Variants in KCNH2 observed in about 807,000 individuals in gnomAD.
KCNH2 encodes the protein potassium voltage-gated channel subfamily H member 2.
In KCNH2, 35 loss-of-function variants were observed where a neutral mutation model predicts 95.9. The observed-to-expected ratio is 0.37, with a 90% confidence interval of 0.28 to 0.48. The LOEUF is 0.48. Ranked by LOEUF, KCNH2 falls within the 20% of genes least tolerant of loss-of-function variation. The pLI is 0.99. For missense variants in KCNH2, 1,274 were observed against 1,702.9 expected (o/e 0.75, Z 4.43); for synonymous variants, 786 against 754.7 (o/e 1.04, Z -0.68).
rs531677961 is a variant in KCNH2, at chr7:150,958,337, T to C, written c.638A>G (p.Asp213Gly). ...AAPSSESLALDEVTAMDNHVA... is the reference protein window; with the variant it reads ...AAPSSESLALGEVTAMDNHVA... ...GTGGTTGTCCATGGCTGTCACTTCG[T>C]CCAGGGCCAGCGACTCGCTGCTGGG... Residue 213 changes from aspartate to glycine, a missense_variant, in exon 4 of 15, where the codon GAC becomes GGC. By Grantham distance (94) the Asp-to-Gly change is moderately conservative (BLOSUM62 -1). Transcript: ENST00000262186. The C allele has an allele frequency of 3.4e-5, 51 of 1,490,860 alleles. 1 individual carries two copies. In the South Asian group the frequency reaches 6.2e-4, roughly 18 times the overall value. 92.4% of individuals were successfully genotyped at this position (1,490,860 alleles called of 1,614,324 possible). A position where few individuals can be genotyped will look rare whatever the true frequency, so the allele number is the denominator to read the frequency against.
chr7:150,974,955 G>T lies in KCNH2; in HGVS notation c.77-14C>A. On this transcript the variant is annotated splice_polypyrimidine_tract_variant and intron_variant, in intron 1 of 14. Coordinates refer to ENST00000262186, the MANE Select transcript of KCNH2 (RefSeq NM_000238.4). Reference sequence around the variant, plus strand: ...TGAACTTACGGCCTAGGGGGGCGGGGAGGAGAGTGCGCGTGAGCGGGGACC... The same window carrying T: ...TGAACTTACGGCCTAGGGGGGCGGGTAGGAGAGTGCGCGTGAGCGGGGACC... The T allele has an allele frequency of 6.3e-7, 1 of 1,577,054 alleles. No homozygotes were observed.
chr7:150,948,421 CTTCCTCCCCT>C lies in KCNH2; in HGVS notation c.2692+13_2692+22del. On this transcript the variant is annotated intron_variant, in intron 11 of 14. Coordinates refer to ENST00000262186, the MANE Select transcript of KCNH2 (RefSeq NM_000238.4). Reference sequence around the variant, plus strand: ...GCCTCACCTTGTCCCCGCCCTCCCCCTTCCTCCCCTCCCCCGCCTCACCCTTGTCCGTGCG... The same window carrying C: ...GCCTCACCTTGTCCCCGCCCTCCCCCCCCCCGCCTCACCCTTGTCCGTGCG... 7.3e-7 allele frequency: 1 copy of C among 1,360,832 alleles called. No individual in the cohort carries two copies. The highest frequency in any genetic ancestry group is 1.0e-6 in the Non-Finnish European group (1 of 969,728). 84.3% of individuals were successfully genotyped at this position (1,360,832 alleles called of 1,614,324 possible).
intron 5 of KCNH2, among the ~76,000 whole-genome samples, 163 bp downstream of exon 5, chr7:150,957,128 C>T (rs1801400408): frequency 6.6e-6 from 1 of 152,164 alleles, no homozygotes. Context: ...CTCCCCCCAT[C>T]GCAGCTCTGG....
chr7:150,952,134 C>T lies in KCNH2; in HGVS notation c.1557+291G>A, dbSNP rs534370235. 3.2e-4 allele frequency among the ~76,000 whole-genome samples: 49 copies of T among 151,942 alleles called. No individual in the cohort carries two copies. Among genetic ancestry groups the T allele is most frequent in the African/African-American group, 8.7e-4 (36 of 41,426 alleles). The stretch of plus-strand genomic sequence containing the variant: ...ACCAGCTTCTAGGGCACTTTGGTGA[C>T]GCTACAAAATAATGGCCCCTTGGGA... On this transcript the variant is annotated intron_variant, in intron 6 of 14. Transcript: ENST00000262186. This position sits in a 1 kb window ranked among gnomAD's most constrained non-coding sequence, Gnocchi z 7.3.
At position 150,946,918 on chromosome 7, in the gene KCNH2, C is replaced by T. The variant is rs199473030; in HGVS notation, c.3289G>A (p.Val1097Ile). ...AAGGTGAGGGTGGGGAGGGGGCTGA[C>T]GGGCAACAGCGGGGATGTGGAAGTG... is the stretch of plus-strand genomic sequence containing the variant. ...GPTSTSPLLP[V>I]SPLPTLTLDS... The change falls in exon 14 of 15, where the codon GTC becomes ATC. Residue 1097 changes from valine (V) to isoleucine (I), a missense_variant. Around this residue, in one of 7 missense-constraint regions of KCNH2, gnomAD observed 457 missense variants for 416.1 expected, o/e 1.10. Transcript: ENST00000262186. The surrounding 1 kb of genome is among the most constrained non-coding windows in gnomAD (Gnocchi z 6.5). The T allele has an allele frequency of 5.7e-5, 90 of 1,591,324 alleles. No homozygotes were observed. Among genetic ancestry groups the T allele is most frequent in the East Asian group, 1.6e-4 (7 of 44,106 alleles).
At chr7:150,976,006 G>A (rs563550010) in intron 1 of KCNH2, among the ~76,000 whole-genome samples, 62 of 152,378 alleles carry the variant, frequency 4.1e-4, no homozygotes, top group Non-Finnish European at 7.1e-4. Context: ...GGCCTGCCCG[G>A]AGAGCCAGGC....
chr7:150,958,552 A>T, intron 3 of KCNH2, 50 bp from the exon 4 acceptor site: 1 of 1,446,428 alleles, frequency 6.9e-7, no homozygotes. Flanking sequence ...GCAGCCCCGG[A>T]GCGGGCAAGG....
intron 3 of KCNH2, among the ~76,000 whole-genome samples, chr7:150,959,130 G>A (rs1801482223): frequency 6.6e-6 from 1 of 152,210 alleles, no homozygotes; most frequent in Non-Finnish European, 1.5e-5. Context: ...CAGGAAACTT[G>A]GCCAGTCCAT....
At position 150,945,353 on chromosome 7, in the gene KCNH2, T is replaced by C; in HGVS notation, c.*12A>G. 5 of 1,582,332 alleles carry C rather than the reference T, an allele frequency of 3.2e-6. No individual in the cohort carries two copies. The highest frequency in any genetic ancestry group is 4.6e-5 in the East Asian group (2 of 43,062). ...CCCTGGGTGAGCCACGTGTCCACACTGGGCAGCCCCACTAACTGCCCGGGT... is the reference window on the plus strand; with the variant it reads ...CCCTGGGTGAGCCACGTGTCCACACCGGGCAGCCCCACTAACTGCCCGGGT... On this transcript the variant is annotated 3_prime_UTR_variant, in exon 15 of 15. Transcript: ENST00000262186. The surrounding 1 kb of genome is among the most constrained non-coding windows in gnomAD (Gnocchi z 5.6).
chr7:150,966,402 C>A (rs1278079257), intron 2 of KCNH2, among the ~76,000 whole-genome samples: 1 of 128,386 alleles, frequency 7.8e-6, no homozygotes, highest in Admixed American at 8.7e-5. Context: ...CACACACACA[C>A]ACACACAGGA....
chr7:150,953,126 C>T (rs1475434717), intron 5 of KCNH2, among the ~76,000 whole-genome samples: 1 of 152,152 alleles, frequency 6.6e-6, no homozygotes. Context: ...GCAGGAACAC[C>T]CAGTGCTGCT....
At position 150,952,811 on chromosome 7, in the gene KCNH2, G is replaced by A; in HGVS notation, c.1171C>T (p.Gln391Ter). ...GADVLPEYKL[Q>*]APRIHRWTIL... Reference sequence around the variant, plus strand: ...GTCCAGCGGTGGATGCGCGGTGCCTGCAGCTTGTACTCAGGCAGCACGTCG... The same window carrying A: ...GTCCAGCGGTGGATGCGCGGTGCCTACAGCTTGTACTCAGGCAGCACGTCG... Residue 391 changes from glutamine to a stop codon, truncating the protein, a stop_gained, in exon 6 of 15, where the codon CAG becomes TAG. Coordinates refer to ENST00000262186, the MANE Select transcript of KCNH2 (RefSeq NM_000238.4). LOFTEE classifies it high-confidence loss of function. The surrounding 1 kb of genome is among the most constrained non-coding windows in gnomAD (Gnocchi z 7.3). 2 of 1,614,040 alleles carry A rather than the reference G, an allele frequency of 1.2e-6. No individual in the cohort carries two copies. Among genetic ancestry groups the A allele is most frequent in the Non-Finnish European group, 1.7e-6 (2 of 1,180,014 alleles).
Position 150,952,524 on chromosome 7 carries a change from G to C in KCNH2, c.1458C>G (p.Pro486=). 1 of 1,614,132 alleles carries C rather than the reference G, an allele frequency of 6.2e-7. No homozygotes were observed. The highest frequency in any genetic ancestry group is 8.5e-7 in the Non-Finnish European group (1 of 1,180,012). The change falls in exon 6 of 15, where the codon CCC becomes CCG. Residue 486 remains proline, a synonymous_variant. Transcript: ENST00000262186. This position sits in a 1 kb window ranked among gnomAD's most constrained non-coding sequence, Gnocchi z 7.3. ...TGAAGTAGTGGACGGCGATGCGGCC[G>C]GGGTGGCTGACCACCTCCTCGTTGG... ...VNANEEVVSH[P]GRIAVHYFKG... is the part of the protein sequence containing the mutation.
At chr7:150,954,813 G>A (rs1801311371) in intron 5 of KCNH2, among the ~76,000 whole-genome samples, 1 of 152,222 alleles carries the variant, frequency 6.6e-6, no homozygotes. Flanking sequence ...GCTCCCAGGA[G>A]GTCACAGAGT....
Position 150,951,719 on chromosome 7 carries a change from C to T in KCNH2, c.1674G>A (p.Ala558=), listed in dbSNP as rs554855472. The part of the protein sequence containing the change: ...AVLFLLMCTF[A]LIAHWLACIW... ...TGCAGGCTAGCCAGTGCGCGATGAG[C>T]GCAAAGGTGCACATGAGCAAGAACA... Residue 558 remains alanine, a synonymous_variant, in exon 7 of 15, where the codon GCG becomes GCA. Transcript: ENST00000262186. 89 of 1,613,562 alleles carry T rather than the reference C, an allele frequency of 5.5e-5. 1 individual carries two copies. In the South Asian group the frequency reaches 8.5e-4, roughly 15 times the overall value.
At chr7:150,954,014 G>A (rs940545105) in intron 5 of KCNH2, among the ~76,000 whole-genome samples, 5 of 152,248 alleles carry the variant, frequency 3.3e-5, no homozygotes, top group Non-Finnish European at 2.9e-5. Context: ...GCTGCTGGGA[G>A]AACATCTCCT....
At chr7:150,953,703 G>A (rs1448361105) in intron 5 of KCNH2, among the ~76,000 whole-genome samples, 3 of 152,140 alleles carry the variant, frequency 2.0e-5, no homozygotes, top group East Asian at 1.9e-4. Flanking sequence ...GAAGAGCTCC[G>A]GCCAGCTTCT....
In KCNH2 at chr7:150,965,922, T is replaced by C. The variant is rs78491839; in HGVS notation, c.308-6186A>G. 4.7e-3 allele frequency among the ~76,000 whole-genome samples: 720 copies of C among 152,292 alleles called. 8 individuals carry two copies. In the East Asian group the frequency reaches 0.066, roughly 14 times the overall value. ...ACCCTTTCACAGCAGAATTTGCCCATTTCAAGCCCGTGGTGCCCTCCAGCC... is the reference window on the plus strand; with the variant it reads ...ACCCTTTCACAGCAGAATTTGCCCACTTCAAGCCCGTGGTGCCCTCCAGCC... On this transcript the variant is annotated intron_variant, in intron 2 of 14. Coordinates refer to ENST00000262186, the MANE Select transcript of KCNH2 (RefSeq NM_000238.4).
rs199473022 is a variant in KCNH2 at position 150,947,373 on chromosome 7, C to T, written c.3107G>A (p.Gly1036Asp). 9.5e-5 allele frequency: 147 copies of T among 1,547,804 alleles called. No individual in the cohort carries two copies. The highest frequency in any genetic ancestry group is 1.1e-4 in the Non-Finnish European group (126 of 1,147,068). The change falls in exon 13 of 15, where the codon GGC becomes GAC. Residue 1036 changes from glycine (G) to aspartate (D), a missense_variant. By Grantham distance (94) the Gly-to-Asp change is moderately conservative (BLOSUM62 -1). This residue lies in a region of KCNH2 where 457 missense variants were observed against 416.1 expected (regional missense o/e 1.10). Coordinates refer to ENST00000262186, the MANE Select transcript of KCNH2 (RefSeq NM_000238.4). The stretch of plus-strand genomic sequence containing the variant: ...GGCATCCAGCCTGCTCTCCACGTCG[C>T]CCCGGGGCCGCCGACCCGGGCTGGA... ...PLSSPGRRPR[G>D]DVESRLDALQ...
Sources: allele counts gnomAD v4.1 joint callset (sites outside exome capture counted in the v4.1 genomes callset), GRCh38; gene constraint gnomAD v4.1.1; regional missense constraint gnomAD v4.1.1; non-coding constraint Gnocchi (gnomAD v3.1); transcripts MANE v1.5; gene names NCBI Gene and HGNC (gene_info 2026-07-23, HGNC 2026-07-21).